Variants in DDX21 observed in about 807,000 individuals in gnomAD.
DDX21 encodes the protein DExD-box helicase 21.
In DDX21, 18 loss-of-function variants were observed where a neutral mutation model predicts 90.0. The ratio of observed to expected loss-of-function variants is 0.20; its 90% CI spans 0.14 to 0.30. DDX21 has a LOEUF of 0.30. DDX21 is among the 10% of genes least tolerant of loss of function. DDX21 has a pLI of 1.00. For synonymous variants in DDX21, 294 were observed against 318.0 expected, an observed-to-expected ratio of 0.92 and a Z score of 0.80; for missense variants, 673 against 944.5, an observed-to-expected ratio of 0.71 and a Z score of 3.77.
chr10:68,970,364 C>T lies in DDX21; in HGVS notation c.1386+14C>T. On this transcript the variant is annotated intron_variant, in intron 8 of 14. Transcript: ENST00000354185. ...GCTATAAAGCAGGTTGGTCCTTCCC[C>T]TTATGCCAGCAAAACTGGGGATATC... 1 of 1,608,318 alleles carries T rather than the reference C, an allele frequency of 6.2e-7. No individual in the cohort carries two copies. Among genetic ancestry groups the T allele is most frequent in the South Asian group, 1.1e-5 (1 of 89,984 alleles).
chr10:68,966,498 A>G (rs1842939814), intron 5 of DDX21, among the ~76,000 whole-genome samples: 3 of 151,930 alleles, frequency 2.0e-5, no homozygotes, highest in Admixed American at 1.3e-4. Flanking sequence ...GCTGGAGTGC[A>G]GTGGCGTGAT....
intron 2 of DDX21, among the ~76,000 whole-genome samples, chr10:68,960,465 T>C (rs1842859069): frequency 7.4e-6 from 1 of 135,060 alleles, no homozygotes; most frequent in African/African-American, 2.6e-5. Flanking sequence ...GTCTTTTTTA[T>C]TTTTTTATTT....
intron 1 of DDX21, among the ~76,000 whole-genome samples, chr10:68,958,499 T>C (rs1412536166): frequency 2.6e-5 from 4 of 152,034 alleles, no homozygotes; most frequent in African/African-American, 9.7e-5. Flanking sequence ...TGCAGTGGCA[T>C]GATCTCAGCT....
At chr10:68,957,348 AGCTGACCGGT>A (rs1323133156) in intron 1 of DDX21, among the ~76,000 whole-genome samples, 15 of 152,174 alleles carry the variant, frequency 9.9e-5, no homozygotes, top group East Asian at 9.6e-4. Flanking sequence ...TAACCTTGAT[AGCTGACCGGT>A]GCTTTGCTGT....
At position 68,971,907 on chromosome 10, in the gene DDX21, A is replaced by G; in HGVS notation, c.1403A>G (p.His468Arg). 1.2e-6 allele frequency: 2 copies of G among 1,614,172 alleles called. No individual in the cohort carries two copies. The highest frequency in any genetic ancestry group is 1.7e-6 in the Non-Finnish European group (2 of 1,180,002). ...TATTGGCAGGATGCTCAGTCCTTGC[A>G]TGGAGACATTCCACAGAAGCAAAGG... ...SAIKQDAQSL[H>R]GDIPQKQREI... Residue 468 changes from histidine to arginine, a missense_variant, in exon 9 of 15, where the codon CAT becomes CGT. By Grantham distance (29) the His-to-Arg change is conservative. Transcript: ENST00000354185.
chr10:68,963,047 A>G (rs1232393691), intron 3 of DDX21, among the ~76,000 whole-genome samples: 2 of 152,146 alleles, frequency 1.3e-5, no homozygotes, highest in Non-Finnish European at 2.9e-5. Context: ...GGATCACTTG[A>G]GCCCAGGAGT....
chr10:68,981,480 AGG>A, intron 13 of DDX21, 55 bp from the exon 14 acceptor site: 1 of 1,457,218 alleles, frequency 6.9e-7, no homozygotes, highest in Non-Finnish European at 9.6e-7. Context: ...GGTCTTTTAA[AGG>A]GAGTATTTTT....
At chr10:68,956,608 G>C in intron 1 of DDX21, 3 of 1,230,728 alleles carry the variant, frequency 2.4e-6, no homozygotes, top group Middle Eastern at 3.4e-4. Context: ...GGAGAGGGCC[G>C]GGTGTCCCAC....
In DDX21 at chr10:68,963,429, A is replaced by T. The variant is rs778432271; in HGVS notation, c.746A>T (p.His249Leu). The T allele has an allele frequency of 1.2e-6, 2 of 1,614,002 alleles. No individual in the cohort carries two copies. Among genetic ancestry groups the T allele is most frequent in the Admixed American group, 3.3e-5 (2 of 59,992 alleles). The change falls in exon 4 of 15, where the codon CAT (histidine) becomes CTT (leucine). Residue 249 changes from histidine to leucine, a missense_variant. His to Leu is a moderately conservative substitution (Grantham distance 99). Around this residue, in one of 4 missense-constraint regions of DDX21, gnomAD observed 218 missense variants for 347.3 expected, o/e 0.63. Coordinates refer to ENST00000354185, the MANE Select transcript of DDX21 (RefSeq NM_004728.4). ...SFAIPLIEKL[H>L]GELQDRKRGR... The stretch of plus-strand genomic sequence containing the variant: ...GCCATCCCTTTGATTGAGAAACTTC[A>T]TGGGGAACTGCAAGACAGGAAGAGA...
At chr10:68,969,233 A>C (rs554903293) in intron 7 of DDX21, 112 bp downstream of exon 7, 1 of 1,066,564 alleles carries the variant, frequency 9.4e-7, no homozygotes, top group African/African-American at 1.6e-5. Flanking sequence ...AATCCATGTG[A>C]AAAGCCAAGG....
chr10:68,959,119 A>G (rs547275054), intron 1 of DDX21, among the ~76,000 whole-genome samples: 7 of 152,162 alleles, frequency 4.6e-5, no homozygotes, highest in Non-Finnish European at 7.3e-5. Flanking sequence ...GCCTTATTCT[A>G]TTGGAATTGA....
intron 13 of DDX21, among the ~76,000 whole-genome samples, chr10:68,979,313 T>A (rs1483038319): frequency 6.6e-6 from 1 of 152,210 alleles, no homozygotes; most frequent in Non-Finnish European, 1.5e-5. Flanking sequence ...TGAATTCAAA[T>A]TAAAAATGAA....
At chr10:68,960,496 CTG>C (rs1232240730) in intron 2 of DDX21, among the ~76,000 whole-genome samples, 1 of 152,116 alleles carries the variant, frequency 6.6e-6, no homozygotes, top group Non-Finnish European at 1.5e-5. Context: ...GAGTCTCGCT[CTG>C]TCACCTAGGC....
In DDX21 at chr10:68,970,142, G is replaced by A. The variant is rs954385577; in HGVS notation, c.1237-59G>A. On this transcript the variant is annotated intron_variant, in intron 7 of 14. Coordinates refer to ENST00000354185, the MANE Select transcript of DDX21 (RefSeq NM_004728.4). The stretch of plus-strand genomic sequence containing the variant: ...TGTTGTGCTCACTGATCATTGTGTT[G>A]TGATTTTAGTTTCCAGCAAAGCTTT... The A allele has an allele frequency of 3.4e-6, 5 of 1,490,060 alleles. No individual in the cohort carries two copies. In the African/African-American group the frequency reaches 4.2e-5, roughly 13 times the overall value. The allele number at this position is 1,490,060 out of a possible 1,614,324, so 92.3% of individuals were successfully genotyped here. A position where few individuals can be genotyped will look rare whatever the true frequency, so the allele number is the denominator to read the frequency against.
At chr10:68,970,489 T>A in intron 8 of DDX21, 139 bp downstream of exon 8, 1 of 786,878 alleles carries the variant, frequency 1.3e-6, no homozygotes, top group Non-Finnish European at 1.8e-6. Flanking sequence ...AAGCTACTTT[T>A]TTTTTTTTTT....
rs1564627967 is a variant in DDX21, at chr10:68,970,236, A to G, written c.1272A>G (p.Ala424=). 2 of 1,613,730 alleles carry G rather than the reference A, an allele frequency of 1.2e-6. No individual in the cohort carries two copies. Among genetic ancestry groups the G allele is most frequent in the Non-Finnish European group, 1.7e-6 (2 of 1,179,864 alleles). The change falls in exon 8 of 15, where the codon GCA becomes GCG. Residue 424 remains alanine, a synonymous_variant. Coordinates refer to ENST00000354185, the MANE Select transcript of DDX21 (RefSeq NM_004728.4). ...TTAAGTGCCACTGGACTCAGAGGGC[A>G]GCAGTTATTGGGGATGTCATCCGAG... ...LAIKCHWTQR[A]AVIGDVIRVY...
chr10:68,962,013 T>C, intron 2 of DDX21, 69 bp from the exon 3 acceptor site: 1 of 1,257,864 alleles, frequency 7.9e-7, no homozygotes, highest in South Asian at 1.3e-5. Context: ...TTTGTCTCTT[T>C]CTCAGAAGGT....
intron 13 of DDX21, among the ~76,000 whole-genome samples, chr10:68,980,343 C>T (rs1434074156): frequency 6.6e-6 from 1 of 152,172 alleles, no homozygotes; most frequent in Non-Finnish European, 1.5e-5. Flanking sequence ...GCGTCTTTAT[C>T]TGTACTTCAG....
At chr10:68,976,780 C>T (rs1455492342) in intron 11 of DDX21, among the ~76,000 whole-genome samples, 1 of 152,138 alleles carries the variant, frequency 6.6e-6, no homozygotes, top group Non-Finnish European at 1.5e-5. Flanking sequence ...GACACGGCTG[C>T]ATGTCACTTT....
Sources: gnomAD v4.1 joint callset for allele counts (sites outside exome capture counted in the v4.1 genomes callset) on GRCh38, gnomAD v4.1.1 for gene constraint, gnomAD v4.1.1 regional missense constraint, MANE v1.5 for transcripts, NCBI Gene and HGNC (gene_info 2026-07-23, HGNC 2026-07-21) for gene names.